Variants in GEMIN5 observed in about 807,000 individuals in gnomAD.
GEMIN5 encodes gem-associated protein 5.
A neutral mutation model predicts 176.9 loss-of-function variants in GEMIN5; 124 were observed. The ratio of observed to expected loss-of-function variants is 0.70; its 90% CI spans 0.61 to 0.81. GEMIN5 has a LOEUF of 0.81. GEMIN5 is among the 40% of genes least tolerant of loss of function. The pLI is 0.00. For missense variants in GEMIN5, 1,843 were observed against 1,814.6 expected, an observed-to-expected ratio of 1.02 and a Z score of -0.28; for synonymous variants, 673 against 665.2, an observed-to-expected ratio of 1.01 and a Z score of -0.18.
At chr5:154,896,000 G>T in intron 24 of GEMIN5, 92 bp downstream of exon 24, 1 of 1,446,182 alleles carries the variant, frequency 6.9e-7, no homozygotes, top group Non-Finnish European at 9.6e-7. Flanking sequence ...ACACAGTCCA[G>T]TATTCTGCTT....
Position 154,915,810 on chromosome 5 carries a change from TTTTTGG to T in GEMIN5, c.1855+1182_1855+1187del, listed in dbSNP as rs1472570816. 3.8e-4 allele frequency among the ~76,000 whole-genome samples: 58 copies of T among 152,262 alleles called. No individual in the cohort carries two copies. In the Middle Eastern group the frequency reaches 0.014, roughly 36 times the overall value. Reference sequence around the variant, plus strand: ...GGCGGAAGTATTAAATGGCATAATGTTTTTGGAGAGCCGCTTAGCAGTAAGTATAAA... The same window carrying T: ...GGCGGAAGTATTAAATGGCATAATGTAGAGCCGCTTAGCAGTAAGTATAAA... On this transcript the variant is annotated intron_variant, in intron 13 of 27. Coordinates refer to ENST00000285873, the MANE Select transcript of GEMIN5 (RefSeq NM_015465.5).
rs139639865 is a variant in GEMIN5, at chr5:154,896,868, C to T, written c.3346-525G>A. ...GAAGAAAACAGAAGCACAGAGAAGGCCTAGAAAATCTACTTTCACTAGATT... is the reference window on the plus strand; with the variant it reads ...GAAGAAAACAGAAGCACAGAGAAGGTCTAGAAAATCTACTTTCACTAGATT... On this transcript the variant is annotated intron_variant, in intron 23 of 27. Transcript: ENST00000285873. 2.6e-3 allele frequency among the ~76,000 whole-genome samples: 396 copies of T among 152,256 alleles called. 2 individuals carry two copies. The highest frequency in any genetic ancestry group is 8.0e-3 in the African/African-American group (332 of 41,550).
chr5:154,934,023 C>CT (rs565391611), intron 3 of GEMIN5, among the ~76,000 whole-genome samples: 30 of 149,340 alleles, frequency 2.0e-4, no homozygotes, highest in Admixed American at 9.4e-4. Context: ...CTATCATTGA[C>CT]TTTTTTTTTT....
intron 21 of GEMIN5, among the ~76,000 whole-genome samples, 183 bp downstream of exon 21, chr5:154,901,156 T>C (rs986465130): frequency 3.9e-5 from 6 of 152,184 alleles, no homozygotes; most frequent in Non-Finnish European, 7.3e-5. Context: ...CAAGACTCCG[T>C]CTCTACAAAA....
At chr5:154,896,382 G>A in intron 23 of GEMIN5, 39 bp from the exon 24 acceptor site, 4 of 1,520,308 alleles carry the variant, frequency 2.6e-6, no homozygotes, top group Non-Finnish European at 3.5e-6. Flanking sequence ...TGTTATACAG[G>A]GAAAGCACTG....
chr5:154,921,981 C>T (rs1763932812), intron 9 of GEMIN5, among the ~76,000 whole-genome samples: 1 of 152,138 alleles, frequency 6.6e-6, no homozygotes, highest in South Asian at 2.1e-4. Context: ...ATTGTTATTT[C>T]TTTTACCATA....
At chr5:154,891,085 A>G (rs1763215102) in intron 26 of GEMIN5, among the ~76,000 whole-genome samples, 156 bp downstream of exon 26, 1 of 103,710 alleles carries the variant, frequency 9.6e-6, no homozygotes, top group Admixed American at 1.3e-4. Context: ...TTGTAGAGAC[A>G]GGGTCTCGCT....
At chr5:154,933,228 T>C (rs968432026) in intron 3 of GEMIN5, among the ~76,000 whole-genome samples, 1 of 152,242 alleles carries the variant, frequency 6.6e-6, no homozygotes, top group Non-Finnish European at 1.5e-5. Flanking sequence ...TGAATTGTGT[T>C]ATATCATTCC....
intron 15 of GEMIN5, among the ~76,000 whole-genome samples, chr5:154,910,324 CTT>C (rs968173300): frequency 1.3e-5 from 2 of 151,814 alleles, no homozygotes; most frequent in Non-Finnish European, 2.9e-5. Flanking sequence ...AAAAAAAAAA[CTT>C]ATTTCACAGA....
In GEMIN5 at chr5:154,889,592, C is replaced by T. The variant is rs548830539; in HGVS notation, c.4263-175G>A. Among the ~76,000 whole-genome samples the T allele has an allele frequency of 2.0e-4, 31 of 152,262 alleles. 2 individuals carry two copies. In the East Asian group the frequency reaches 6.0e-3, roughly 29 times the overall value. On this transcript the variant is annotated intron_variant, in intron 26 of 27. Transcript: ENST00000285873. ...TTCATAATGTGGTGAAAAACATCCC[C>T]ACCACCCATTTCCAAAAACTCTTGT...
In GEMIN5 at chr5:154,917,157, G is replaced by A; in HGVS notation, c.1696C>T (p.Pro566Ser). ...EDGSIEIFQI[P>S]NLKLICTIQQ... ...ATAGTACAGATCAGTTTCAGGTTGG[G>A]AATCTGAAATATTTCTATTGATCTG... Residue 566 changes from proline to serine, a missense_variant, in exon 13 of 28, where the codon CCC becomes TCC. Pro to Ser is a moderately conservative substitution (Grantham distance 74). Transcript: ENST00000285873. 6.7e-7 allele frequency: 1 copy of A among 1,497,354 alleles called. No individual in the cohort carries two copies. The allele number at this position is 1,497,354 out of a possible 1,614,324, so 92.8% of individuals were successfully genotyped here. A position where few individuals can be genotyped will look rare whatever the true frequency, so the allele number is the denominator to read the frequency against.
At chr5:154,925,678 A>G (rs1348014791) in intron 8 of GEMIN5, among the ~76,000 whole-genome samples, 184 bp downstream of exon 8, 2 of 152,220 alleles carry the variant, frequency 1.3e-5, no homozygotes, top group Admixed American at 6.5e-5. Flanking sequence ...GAGCCTTAAT[A>G]AATTTAAACT....
intron 24 of GEMIN5, among the ~76,000 whole-genome samples, chr5:154,894,863 T>C (rs1450416054): frequency 1.3e-5 from 2 of 150,520 alleles, no homozygotes; most frequent in Non-Finnish European, 2.9e-5. Flanking sequence ...GCCAAGATCA[T>C]GCCACTGTAC....
rs201880938 is a variant in GEMIN5 at position 154,927,509 on chromosome 5, C to T, written c.956G>A (p.Arg319Gln). The change falls in exon 7 of 28, where the codon CGG becomes CAG. Residue 319 changes from arginine to glutamine, a missense_variant. Transcript: ENST00000285873. The part of the protein sequence containing the change: ...LQWDLTQSWR[R>Q]KYTLFSASSE... The stretch of plus-strand genomic sequence containing the variant: ...TGAGGCACTGAAGAGGGTGTATTTC[C>T]GTCTCCAAGATTGAGTGAGATCCCA... 8 of 1,610,456 alleles carry T rather than the reference C, an allele frequency of 5.0e-6. No homozygotes were observed. The highest frequency in any genetic ancestry group is 2.2e-5 in the East Asian group (1 of 44,814).
chr5:154,931,973 C>G (rs1408824597), intron 4 of GEMIN5, 126 bp downstream of exon 4: 3 of 767,048 alleles, frequency 3.9e-6, no homozygotes, highest in Non-Finnish European at 6.2e-6. Context: ...AGATCACGCT[C>G]CAGCCTAGGC....
intron 5 of GEMIN5, among the ~76,000 whole-genome samples, chr5:154,930,910 G>T (rs553069719): frequency 9.2e-5 from 14 of 152,214 alleles, no homozygotes; most frequent in African/African-American, 3.4e-4. Flanking sequence ...TACTATAAAG[G>T]TTATATTCTA....
At chr5:154,918,183 T>C (rs1314114094) in intron 11 of GEMIN5, among the ~76,000 whole-genome samples, 179 bp from the exon 12 acceptor site, 1 of 152,172 alleles carries the variant, frequency 6.6e-6, no homozygotes, top group African/African-American at 2.4e-5. Context: ...AATTCTCATT[T>C]CCTAACTGGG....
chr5:154,923,358 CAAG>C (rs1763965994), intron 9 of GEMIN5, among the ~76,000 whole-genome samples: 1 of 151,606 alleles, frequency 6.6e-6, no homozygotes, highest in Admixed American at 6.6e-5. Context: ...CCAGCCTGGG[CAAG>C]AAGAGCGAAA....
At position 154,928,512 on chromosome 5, in the gene GEMIN5, C is replaced by T; in HGVS notation, c.914+15G>A. The T allele has an allele frequency of 1.2e-6, 2 of 1,612,948 alleles. No individual in the cohort carries two copies. Among genetic ancestry groups the T allele is most frequent in the Non-Finnish European group, 1.7e-6 (2 of 1,179,508 alleles). ...ACAAAATATATCTGAGAAAGCATGA[C>T]CAAAAAAGACTTACCCAAAACAGCT... On this transcript the variant is annotated intron_variant, in intron 6 of 27. Coordinates refer to ENST00000285873, the MANE Select transcript of GEMIN5 (RefSeq NM_015465.5).
Sources: allele counts gnomAD v4.1 joint callset (sites outside exome capture counted in the v4.1 genomes callset), GRCh38; gene constraint gnomAD v4.1.1; transcripts MANE v1.5; gene names NCBI Gene and HGNC (gene_info 2026-07-23, HGNC 2026-07-21).